Variants in AGBL4 observed in about 807,000 individuals in gnomAD.
AGBL4 encodes the protein AGBL carboxypeptidase 4.
In AGBL4, 58 loss-of-function variants were observed where a neutral mutation model predicts 66.4. That is an observed-to-expected ratio of 0.87 (90% CI 0.71 to 1.09). The LOEUF is 1.09. AGBL4 is among the 50% of genes least tolerant of loss of function. The probability of loss-of-function intolerance (pLI) is 0.00; values close to 1 mark genes in which losing one functional copy is unlikely to be tolerated. For synonymous variants in AGBL4, 234 were observed against 222.9 expected, an observed-to-expected ratio of 1.05 and a Z score of -0.44; for missense variants, 579 against 631.0, an observed-to-expected ratio of 0.92 and a Z score of 0.88.
At chr1:49,568,398 AG>A (rs71059554) in intron 3 of AGBL4, among the ~76,000 whole-genome samples, 70,839 of 151,260 alleles carry the variant, frequency 0.47, 17,893 homozygotes, top group Non-Finnish European at 0.57. Flanking sequence ...TTACACAAAA[AG>A]AATAAAATAC....
chr1:49,697,098 C>T (rs751831303), intron 3 of AGBL4, among the ~76,000 whole-genome samples: 1 of 152,130 alleles, frequency 6.6e-6, no homozygotes, highest in African/African-American at 2.4e-5. Context: ...ACTTTATTCT[C>T]AGATGAAATA....
chr1:48,870,374 AC>A (rs1174185630), intron 5 of AGBL4, among the ~76,000 whole-genome samples: 3 of 152,034 alleles, frequency 2.0e-5, no homozygotes, highest in Non-Finnish European at 4.4e-5. Context: ...CTACTTGAGG[AC>A]AGGGCTATGT....
chr1:49,095,718 C>T (rs979942445), intron 4 of AGBL4, among the ~76,000 whole-genome samples: 1 of 151,640 alleles, frequency 6.6e-6, no homozygotes, highest in African/African-American at 2.4e-5. Flanking sequence ...AAACATTAGA[C>T]CTAAAACCAT....
chr1:49,009,421 G>T (rs1404116232), intron 5 of AGBL4, among the ~76,000 whole-genome samples: 1 of 149,666 alleles, frequency 6.7e-6, no homozygotes, highest in African/African-American at 2.4e-5. Context: ...AGGACCAGAT[G>T]GATTCACAGC....
chr1:49,732,574 T>C (rs1649537410), intron 2 of AGBL4, among the ~76,000 whole-genome samples: 2 of 152,044 alleles, frequency 1.3e-5, no homozygotes, highest in Admixed American at 6.6e-5. Context: ...CCAAAAAGGA[T>C]ACAGAAATTA....
chr1:49,732,347 C>T (rs1369533767), intron 2 of AGBL4, among the ~76,000 whole-genome samples: 5 of 152,194 alleles, frequency 3.3e-5, no homozygotes, highest in Admixed American at 1.3e-4. Context: ...TTGAAAAGAA[C>T]CTAAACTACA....
At chr1:48,935,833 C>T (rs1655408403) in intron 5 of AGBL4, among the ~76,000 whole-genome samples, 1 of 151,184 alleles carries the variant, frequency 6.6e-6, no homozygotes. Flanking sequence ...GTAGCAGGCA[C>T]CTGTGATCCC....
At chr1:49,964,878 G>C (rs2148350239) in intron 1 of AGBL4, among the ~76,000 whole-genome samples, 1 of 152,206 alleles carries the variant, frequency 6.6e-6, no homozygotes, top group South Asian at 2.1e-4. Context: ...TAGGACATTA[G>C]ATTATTTTTA....
intron 3 of AGBL4, among the ~76,000 whole-genome samples, chr1:49,298,495 A>G (rs1183722130): frequency 6.6e-6 from 1 of 152,200 alleles, no homozygotes; most frequent in East Asian, 1.9e-4. Context: ...GAAGGATACA[A>G]GCTGGCCAGG....
At chr1:49,090,775 G>GC (rs567988649) in intron 4 of AGBL4, among the ~76,000 whole-genome samples, 1 of 152,084 alleles carries the variant, frequency 6.6e-6, no homozygotes, top group Non-Finnish European at 1.5e-5. Flanking sequence ...AGCTCAAATA[G>GC]CCAAGGCAAT....
chr1:49,278,149 A>C (rs1335332893), intron 3 of AGBL4, among the ~76,000 whole-genome samples: 1 of 152,152 alleles, frequency 6.6e-6, no homozygotes, highest in East Asian at 1.9e-4. Context: ...AATCAGGTTT[A>C]TTTGACTCTA....
intron 2 of AGBL4, among the ~76,000 whole-genome samples, chr1:49,800,351 A>AT (rs985184194): frequency 7.4e-6 from 1 of 134,524 alleles, no homozygotes; most frequent in East Asian, 2.0e-4. Context: ...TTTATTTATT[A>AT]TTTTTTTTCT....
At chr1:49,251,881 C>T (rs1411211334) in intron 3 of AGBL4, among the ~76,000 whole-genome samples, 1 of 152,142 alleles carries the variant, frequency 6.6e-6, no homozygotes, top group African/African-American at 2.4e-5. Flanking sequence ...TACCACAAAC[C>T]CTCAAGGTCA....
At chr1:48,776,752 C>T (rs1318210950) in intron 6 of AGBL4, 2 of 1,527,328 alleles carry the variant, frequency 1.3e-6, no homozygotes, top group Non-Finnish European at 8.8e-7. Flanking sequence ...CAGCCGCGAG[C>T]GGGGGCTGAA....
intron 3 of AGBL4, among the ~76,000 whole-genome samples, chr1:49,271,145 A>G (rs1297733324): frequency 6.6e-6 from 1 of 152,094 alleles, no homozygotes; most frequent in Non-Finnish European, 1.5e-5. Context: ...TTTATTTTTG[A>G]AGGTAACTAT....
chr1:49,766,195 G>C (rs895829696), intron 2 of AGBL4, among the ~76,000 whole-genome samples: 2 of 152,044 alleles, frequency 1.3e-5, no homozygotes, highest in African/African-American at 4.8e-5. Context: ...TATGCAAAAA[G>C]GTGAGAACAC....
At chr1:48,642,305 G>C (rs1645770102) in intron 8 of AGBL4, among the ~76,000 whole-genome samples, 1 of 152,138 alleles carries the variant, frequency 6.6e-6, no homozygotes, top group African/African-American at 2.4e-5. Context: ...TGGGGACAAG[G>C]GCGCTCAGAT....
At chr1:49,332,492 A>G (rs1225921259) in intron 3 of AGBL4, among the ~76,000 whole-genome samples, 1 of 152,230 alleles carries the variant, frequency 6.6e-6, no homozygotes, top group East Asian at 1.9e-4. Context: ...CTAATGCCAA[A>G]ACCAAGAAAG....
At chr1:49,439,598 TA>T (rs1411302058) in intron 3 of AGBL4, among the ~76,000 whole-genome samples, 1 of 152,126 alleles carries the variant, frequency 6.6e-6, no homozygotes, top group Non-Finnish European at 1.5e-5. Flanking sequence ...CAAAGGAGAT[TA>T]ACACCTGAGT....
Sources: allele counts gnomAD v4.1 joint callset (sites outside exome capture counted in the v4.1 genomes callset), GRCh38; gene constraint gnomAD v4.1.1; transcripts MANE v1.5; gene names NCBI Gene and HGNC (gene_info 2026-07-23, HGNC 2026-07-21).